The following TNIK variants were observed in gnomAD, a reference collection of about 807,000 sequenced individuals.
TNIK encodes TRAF2 and NCK-interacting protein kinase.
A neutral mutation model predicts 191.3 loss-of-function variants in TNIK; 49 were observed. That is an observed-to-expected ratio of 0.26 (90% CI 0.20 to 0.32). The LOEUF (loss-of-function observed/expected upper bound fraction) is 0.32. Ranked by LOEUF, TNIK falls within the 10% of genes least tolerant of loss-of-function variation. The probability of loss-of-function intolerance (pLI) is 1.00; values close to 1 mark genes in which losing one functional copy is unlikely to be tolerated. For missense variants in TNIK, 1,155 were observed against 1,702.3 expected (o/e 0.68, Z 5.66); for synonymous variants, 594 against 600.9 (o/e 0.99, Z 0.17).
intron 14 of TNIK, 92 bp downstream of exon 14, chr3:171,139,378 G>GCA (rs34521732): frequency 0.21 from 145,701 of 681,010 alleles, 4,213 homozygotes; most frequent in Admixed American, 0.27. Context: ...ACGCACGCGC[G>GCA]CACACACACA....
chr3:171,458,564 A>T (rs1452407226), intron 1 of TNIK, among the ~76,000 whole-genome samples: 3 of 152,238 alleles, frequency 2.0e-5, no homozygotes, highest in Non-Finnish European at 4.4e-5. Flanking sequence ...ATGTGGAGGA[A>T]AAGGTTTAAT....
intron 27 of TNIK, 37 bp from the exon 28 acceptor site, chr3:171,079,689 T>C: frequency 6.4e-7 from 1 of 1,570,020 alleles, no homozygotes; most frequent in South Asian, 1.2e-5. Context: ...CAAATTGCTG[T>C]GACAGCTCTC....
intron 22 of TNIK, among the ~76,000 whole-genome samples, chr3:171,098,096 A>G (rs1429678668): frequency 1.6e-5 from 2 of 127,656 alleles, no homozygotes; most frequent in East Asian, 2.8e-4. Context: ...GGCTGTGCAT[A>G]GTGGCTTCCT....
Position 171,082,271 on chromosome 3 carries a change from T to C in TNIK, c.3293A>G (p.Asn1098Ser). ...CATACCTGAAATTGTCACAAGGACA[T>C]TCAGTCCCTCTAGCACATCCATCTG... ...FQQMDVLEGL[N>S]VLVTISGKKN... is the part of the protein sequence containing the mutation. The change falls in exon 27 of 33, where the codon AAT becomes AGT. Residue 1098 changes from asparagine to serine, a missense_variant. By Grantham distance (46) the Asn-to-Ser change is conservative. Around this residue, in one of 3 missense-constraint regions of TNIK, gnomAD observed 195 missense variants for 415.4 expected, o/e 0.47. Coordinates refer to ENST00000436636, the MANE Select transcript of TNIK (RefSeq NM_015028.4). 1 of 1,613,476 alleles carries C rather than the reference T, an allele frequency of 6.2e-7. No individual in the cohort carries two copies. The highest frequency in any genetic ancestry group is 8.5e-7 in the Non-Finnish European group (1 of 1,179,712).
At chr3:171,081,750 A>C (rs1720714381) in intron 27 of TNIK, among the ~76,000 whole-genome samples, 1 of 150,602 alleles carries the variant, frequency 6.6e-6, no homozygotes, top group South Asian at 2.1e-4. Context: ...GCTACAGAGC[A>C]TAGCAGTAAT....
chr3:171,243,019 A>G (rs1577227374), intron 2 of TNIK, among the ~76,000 whole-genome samples: 1 of 152,344 alleles, frequency 6.6e-6, no homozygotes, highest in South Asian at 2.1e-4. Flanking sequence ...AGTTCTATTT[A>G]GAATTTGATC....
At chr3:171,426,390 C>T (rs1263953583) in intron 1 of TNIK, among the ~76,000 whole-genome samples, 1 of 122,278 alleles carries the variant, frequency 8.2e-6, no homozygotes, top group Non-Finnish European at 1.6e-5. Context: ...GAACATCACA[C>T]ACTGGGGCCT....
intron 1 of TNIK, among the ~76,000 whole-genome samples, chr3:171,384,951 A>C (rs1718534886): frequency 6.6e-6 from 1 of 152,232 alleles, no homozygotes; most frequent in Non-Finnish European, 1.5e-5. Flanking sequence ...AAGTTATTCT[A>C]AAGTTAAAAT....
chr3:171,169,269 CATT>C (rs1734993777), intron 9 of TNIK, among the ~76,000 whole-genome samples: 1 of 151,424 alleles, frequency 6.6e-6, no homozygotes, highest in South Asian at 2.1e-4. Context: ...ATTTTATTAT[CATT>C]ATTTTTTTTT....
intron 23 of TNIK, among the ~76,000 whole-genome samples, chr3:171,088,736 G>A (rs1447965935): frequency 6.6e-6 from 1 of 152,164 alleles, no homozygotes; most frequent in Non-Finnish European, 1.5e-5. Context: ...AGACAACTCT[G>A]GTTTCCAAAA....
At chr3:171,417,539 A>G (rs1454903627) in intron 1 of TNIK, among the ~76,000 whole-genome samples, 1 of 151,660 alleles carries the variant, frequency 6.6e-6, no homozygotes, top group East Asian at 1.9e-4. Context: ...TTATAGTTAT[A>G]AAAAAAAGTT....
chr3:171,075,118 A>T (rs1294155981), intron 28 of TNIK, among the ~76,000 whole-genome samples: 6 of 152,222 alleles, frequency 3.9e-5, no homozygotes, highest in Admixed American at 3.9e-4. Context: ...AATATTCAGA[A>T]ATTTTGCATT....
At chr3:171,095,413 T>C (rs1722584946) in intron 22 of TNIK, among the ~76,000 whole-genome samples, 2 of 152,254 alleles carry the variant, frequency 1.3e-5, no homozygotes, top group South Asian at 4.1e-4. Context: ...GTTAATGCGA[T>C]ACTTGTTGTT....
intron 18 of TNIK, among the ~76,000 whole-genome samples, chr3:171,121,107 C>T (rs1482198432): frequency 6.6e-6 from 1 of 152,130 alleles, no homozygotes; most frequent in Admixed American, 6.5e-5. Flanking sequence ...TCTAGTCACC[C>T]TTGGGAATCA....
intron 5 of TNIK, among the ~76,000 whole-genome samples, chr3:171,192,892 T>C (rs563159214): frequency 1.3e-5 from 2 of 152,348 alleles, no homozygotes; most frequent in South Asian, 4.1e-4. Context: ...ACACAAAACA[T>C]ATAATTTATA....
At chr3:171,295,616 A>G (rs1429489826) in intron 2 of TNIK, among the ~76,000 whole-genome samples, 1 of 152,240 alleles carries the variant, frequency 6.6e-6, no homozygotes, top group African/African-American at 2.4e-5. Flanking sequence ...AACTTGAAAA[A>G]GTAGCCAGTG....
chr3:171,080,439 ATTTATTT>A (rs1310589669), intron 27 of TNIK, among the ~76,000 whole-genome samples: 103 of 147,714 alleles, frequency 7.0e-4, no homozygotes, highest in Middle Eastern at 3.5e-3. Flanking sequence ...TTATTTATTT[ATTTATTT>A]TTTTTTGAGA....
intron 2 of TNIK, among the ~76,000 whole-genome samples, chr3:171,311,156 T>A (rs1026797678): frequency 4.6e-5 from 7 of 152,020 alleles, no homozygotes; most frequent in Admixed American, 4.6e-4. Context: ...AGAAAAAAAA[T>A]TCAATTCAGT....
intron 4 of TNIK, among the ~76,000 whole-genome samples, chr3:171,196,261 C>A (rs1327870111): frequency 6.6e-6 from 1 of 152,118 alleles, no homozygotes; most frequent in Non-Finnish European, 1.5e-5. Flanking sequence ...AGAATGCCAC[C>A]ATTTTGTGCC....
Sources: gnomAD v4.1 joint callset for allele counts (sites outside exome capture counted in the v4.1 genomes callset) on GRCh38, gnomAD v4.1.1 for gene constraint, gnomAD v4.1.1 regional missense constraint, MANE v1.5 for transcripts, NCBI Gene and HGNC (gene_info 2026-07-23, HGNC 2026-07-21) for gene names.